Variants in PRR14L observed in about 807,000 individuals in gnomAD.
PRR14L encodes protein PRR14L.
PRR14L carries 80 observed loss-of-function variants against 155.0 expected under a neutral mutation model. The ratio of observed to expected loss-of-function variants is 0.52; its 90% CI spans 0.43 to 0.62. PRR14L has a LOEUF of 0.62. PRR14L is among the 20% of genes least tolerant of loss of function. PRR14L has a pLI of 0.00. For missense variants in PRR14L, 2,469 were observed against 2,548.0 expected, an observed-to-expected ratio of 0.97 and a Z score of 0.67; for synonymous variants, 883 against 916.0, an observed-to-expected ratio of 0.96 and a Z score of 0.65.
At chr22:31,697,769 G>C (rs898092898) in intron 7 of PRR14L, among the ~76,000 whole-genome samples, 1 of 152,134 alleles carries the variant, frequency 6.6e-6, no homozygotes, top group African/African-American at 2.4e-5. Context: ...ATGAGGCTGA[G>C]ATAGGAGGAT....
rs549175047 is a variant in PRR14L, at chr22:31,704,686, C to T, written c.5797G>A (p.Ala1933Thr). Residue 1933 changes from alanine to threonine, a missense_variant, in exon 5 of 9, where the codon GCT (alanine) becomes ACT (threonine). Transcript: ENST00000327423. The stretch of plus-strand genomic sequence containing the variant: ...TGACTGCCGCTGGTGTTATATGTAG[C>T]TTCCATGCCTGGAAGAGGCACATAT... ...LPYVPLPGME[A>T]TYNTSGSQTR... 6.2e-7 allele frequency: 1 copy of T among 1,613,984 alleles called. No homozygotes were observed. The highest frequency in any genetic ancestry group is 1.3e-5 in the African/African-American group (1 of 75,024).
At chr22:31,719,711 G>A (rs556816462) in intron 3 of PRR14L, among the ~76,000 whole-genome samples, 1 of 151,738 alleles carries the variant, frequency 6.6e-6, no homozygotes, top group East Asian at 1.9e-4. Context: ...AGCCAGACCA[G>A]CTAAGCTTCA....
chr22:31,746,781 C>T (rs1247919031), intron 1 of PRR14L, among the ~76,000 whole-genome samples: 1 of 150,286 alleles, frequency 6.7e-6, no homozygotes, highest in Admixed American at 6.6e-5. Context: ...CGCACAAATA[C>T]TTCTCCCAGC....
chr22:31,700,524 G>A (rs1029153227), intron 7 of PRR14L, among the ~76,000 whole-genome samples: 2 of 152,148 alleles, frequency 1.3e-5, no homozygotes, highest in Non-Finnish European at 2.9e-5. Flanking sequence ...CTATAACGGA[G>A]GTAGTACACA....
rs1221129182 is a variant in PRR14L at position 31,685,774 on chromosome 22, T to C, written c.6209A>G (p.Lys2070Arg). 7 of 1,551,654 alleles carry C rather than the reference T, an allele frequency of 4.5e-6. No individual in the cohort carries two copies. The East Asian group carries it at 1.5e-4, about 33-fold the overall frequency. ...TGAGATTAGTGTACCATTTCGTTCC[T>C]TGGGTTCCTCAAAGATGGTCTCTAA... ...RCLETIFEEP[K>R]ERNGTLISIS... is the part of the protein sequence containing the mutation. The change falls in exon 9 of 9, where the codon AAG becomes AGG. Residue 2070 changes from lysine to arginine, a missense_variant. Transcript: ENST00000327423.
intron 6 of PRR14L, among the ~76,000 whole-genome samples, chr22:31,702,507 C>T (rs1005654209): frequency 6.6e-6 from 1 of 151,996 alleles, no homozygotes; most frequent in African/African-American, 2.4e-5. Context: ...AGATGTGAGC[C>T]ACCGCATCTG....
At chr22:31,733,306 T>TTTTTG (rs1346904850) in intron 2 of PRR14L, among the ~76,000 whole-genome samples, 1 of 139,666 alleles carries the variant, frequency 7.2e-6, no homozygotes, top group African/African-American at 2.7e-5. Flanking sequence ...CTGTTTTTTT[T>TTTTTG]TTTTTTTTTT....
chr22:31,711,510 T>C lies in PRR14L; in HGVS notation c.5756+573A>G, dbSNP rs150991594. On this transcript the variant is annotated intron_variant, in intron 4 of 8. Transcript: ENST00000327423. ...AAACAAATAAATAAAAGCAGCCTGG[T>C]TGGCTTATGCATGCAATCCTAGCAC... 2.1e-3 allele frequency among the ~76,000 whole-genome samples: 323 copies of C among 151,672 alleles called. 1 individual carries two copies. The highest frequency in any genetic ancestry group is 7.5e-3 in the African/African-American group (310 of 41,422).
intron 3 of PRR14L, among the ~76,000 whole-genome samples, chr22:31,721,188 T>C (rs991030181): frequency 2.0e-5 from 3 of 152,026 alleles, no homozygotes; most frequent in Non-Finnish European, 2.9e-5. Context: ...CCCTGTGAGA[T>C]GGCCAGTCAA....
chr22:31,734,259 C>A (rs565379655), intron 2 of PRR14L, among the ~76,000 whole-genome samples: 1 of 152,306 alleles, frequency 6.6e-6, no homozygotes, highest in African/African-American at 2.4e-5. Context: ...GTGTGAGCCA[C>A]CACACCTAGC....
chr22:31,712,712 G>A lies in PRR14L; in HGVS notation c.5127C>T (p.Ser1709=). 6.4e-7 allele frequency: 1 copy of A among 1,551,696 alleles called. No homozygotes were observed. The highest frequency in any genetic ancestry group is 1.2e-5 in the South Asian group (1 of 84,052). ...TFIDLSNKMP[S]LLFGSEIFPV... is the part of the protein sequence containing the mutation. Reference sequence around the variant, plus strand: ...GGAAGATTTCAGAACCAAACAGCAGGGACGGCATCTTGTTGCTCAAATCTA... The same window carrying A: ...GGAAGATTTCAGAACCAAACAGCAGAGACGGCATCTTGTTGCTCAAATCTA... Residue 1709 remains serine, a synonymous_variant, in exon 4 of 9, where the codon TCC becomes TCT. Transcript: ENST00000327423.
intron 3 of PRR14L, among the ~76,000 whole-genome samples, chr22:31,724,526 G>A (rs765877503): frequency 1.3e-5 from 2 of 152,040 alleles, no homozygotes; most frequent in Non-Finnish European, 2.9e-5. Flanking sequence ...TTAGCCTCCC[G>A]AGTAGCTGGG....
rs374897223 is a variant in PRR14L, at chr22:31,713,118, G to C, written c.4721C>G (p.Thr1574Arg). The change falls in exon 4 of 9, where the codon ACA (threonine) becomes AGA (arginine). Residue 1574 changes from threonine (T) to arginine (R), a missense_variant. Transcript: ENST00000327423. Reference sequence around the variant, plus strand: ...AGGTGCTGTTTCAGGTTCTAATCGTGTAGGTGCAGACAGAGTACACAAACT... The same window carrying C: ...AGGTGCTGTTTCAGGTTCTAATCGTCTAGGTGCAGACAGAGTACACAAACT... ...LLSLCTLSAP[T>R]RLEPETAPTK... 2 of 1,552,208 alleles carry C rather than the reference G, an allele frequency of 1.3e-6. No homozygotes were observed. Among genetic ancestry groups the C allele is most frequent in the African/African-American group, 2.7e-5 (2 of 73,156 alleles).
chr22:31,731,154 G>A (rs140739830), intron 2 of PRR14L, among the ~76,000 whole-genome samples: 47 of 152,064 alleles, frequency 3.1e-4, no homozygotes, highest in African/African-American at 9.9e-4. Flanking sequence ...TTCTTTTATC[G>A]GAAAAAAGTA....
chr22:31,712,624 G>A lies in PRR14L; in HGVS notation c.5215C>T (p.Pro1739Ser), dbSNP rs781139132. 89 of 1,551,656 alleles carry A rather than the reference G, an allele frequency of 5.7e-5. No homozygotes were observed. The highest frequency in any genetic ancestry group is 7.6e-5 in the Non-Finnish European group (87 of 1,147,014). The change falls in exon 4 of 9, where the codon CCT becomes TCT. Residue 1739 changes from proline to serine, a missense_variant. Around this residue, in one of 2 missense-constraint regions of PRR14L, gnomAD observed 2,363 missense variants for 2,371.6 expected, o/e 1.00. Coordinates refer to ENST00000327423, the MANE Select transcript of PRR14L (RefSeq NM_173566.3). ...AGCCTTGCCGGAGCACAGTGCTCAG[G>A]AAAAGTCCTTGAGGACTCAGTCGTG... ...DCTTESSRTF[P>S]EHCAPARLAL...
Position 31,685,560 on chromosome 22 carries a change from C to T in PRR14L, c.6423G>A (p.Lys2141=), listed in dbSNP as rs2074478330. Residue 2141 remains lysine, a synonymous_variant, in exon 9 of 9, where the codon AAG becomes AAA. Transcript: ENST00000327423. ...KLMELETFFA[K]EEEQEQSSGC is the part of the protein sequence containing the mutation. ...CTGATGATTGTTCCTGCTCCTCTTC[C>T]TTGGCAAAGAAGGTCTCCAGTTCCA... 1 of 1,551,892 alleles carries T rather than the reference C, an allele frequency of 6.4e-7. No individual in the cohort carries two copies. Among genetic ancestry groups the T allele is most frequent in the Admixed American group, 2.0e-5 (1 of 50,980 alleles).
intron 7 of PRR14L, among the ~76,000 whole-genome samples, chr22:31,694,473 T>C (rs2074525247): frequency 1.3e-5 from 2 of 152,090 alleles, no homozygotes; most frequent in South Asian, 2.1e-4. Flanking sequence ...AATACAAAAT[T>C]ACGGTGTCTC....
At chr22:31,748,646 T>TG (rs145261972) in intron 1 of PRR14L, among the ~76,000 whole-genome samples, 9 of 151,948 alleles carry the variant, frequency 5.9e-5, no homozygotes, top group Non-Finnish European at 1.2e-4. Context: ...ATCGCCCACT[T>TG]GGGGGGGTGG....
At chr22:31,721,218 G>C (rs910129977) in intron 3 of PRR14L, among the ~76,000 whole-genome samples, 1 of 152,184 alleles carries the variant, frequency 6.6e-6, no homozygotes, top group African/African-American at 2.4e-5. Context: ...TCCCACCACT[G>C]CTCCCCCAGG....
Sources: gnomAD v4.1 joint callset for allele counts (sites outside exome capture counted in the v4.1 genomes callset) on GRCh38, gnomAD v4.1.1 for gene constraint, gnomAD v4.1.1 regional missense constraint, MANE v1.5 for transcripts, NCBI Gene and HGNC (gene_info 2026-07-23, HGNC 2026-07-21) for gene names.